Variants in ANGPTL1 observed in about 807,000 individuals in gnomAD.
The protein encoded by ANGPTL1 is angiopoietin-related protein 1.
Under a neutral mutation model 46.7 loss-of-function variants are expected in ANGPTL1, and 36 were observed. The observed-to-expected ratio is 0.77, with a 90% CI of 0.59 to 1.02. ANGPTL1 has a LOEUF of 1.02. Among genes scored for constraint, ANGPTL1 ranks in the 50% least tolerant of loss-of-function variants. The pLI is 0.00. For missense variants in ANGPTL1, 571 were observed against 594.7 expected (o/e 0.96, Z 0.41); for synonymous variants, 221 against 204.3 (o/e 1.08, Z -0.69).
chr1:178,859,727 C>G (rs1475768889), intron 3 of ANGPTL1, among the ~76,000 whole-genome samples: 1 of 113,576 alleles, frequency 8.8e-6, no homozygotes, highest in Non-Finnish European at 1.7e-5. Context: ...GAGACGGAGT[C>G]TCGCTCTGTC....
chr1:178,865,066 G>A lies in ANGPTL1; in HGVS notation c.711C>T (p.Asn237=), dbSNP rs77089478. 7.4e-4 allele frequency: 1,119 copies of A among 1,516,584 alleles called. 13 individuals are homozygous for A. The African/African-American group carries it at 0.013, about 18-fold the overall frequency. 93.9% of individuals were successfully genotyped at this position (1,516,584 alleles called of 1,614,324 possible). ...GATAACCTGGATCCCTCTGAATCTC[G>A]TTACCTCCCAGCAGACCAGGAGTAT... ...QQYTPGLLGG[N]EIQRDPGYPR... is the part of the protein sequence containing the mutation. Residue 237 remains asparagine, a synonymous_variant, in exon 3 of 6, where the codon AAC becomes AAT. Coordinates refer to ENST00000234816, the MANE Select transcript of ANGPTL1 (RefSeq NM_004673.4).
chr1:178,864,303 A>C (rs75729230), intron 3 of ANGPTL1, among the ~76,000 whole-genome samples: 1,674 of 152,222 alleles, frequency 0.011, 27 homozygotes, highest in African/African-American at 0.038. Flanking sequence ...ATGAACATTT[A>C]TATTTCTTAG....
rs561924301 is a variant in ANGPTL1, at chr1:178,859,829, C to G, written c.823+5125G>C. 2.8e-3 allele frequency among the ~76,000 whole-genome samples: 241 copies of G among 86,268 alleles called. 9 individuals are homozygous for G. The highest frequency in any genetic ancestry group is 9.5e-3 in the African/African-American group (230 of 24,250). The allele number at this position is 86,268 out of a possible 152,430, so 56.6% of individuals were successfully genotyped here. On this transcript the variant is annotated intron_variant, in intron 3 of 5. Transcript: ENST00000234816. ...TCTCCTGCCTCTGCCCGCCCCCCCC[C>G]CCCCAACCGCCCAAGTAGCTGGGAC...
chr1:178,859,466 C>T (rs1196293347), intron 3 of ANGPTL1, among the ~76,000 whole-genome samples: 3 of 142,816 alleles, frequency 2.1e-5, no homozygotes, highest in Admixed American at 7.1e-5. Context: ...TGCAGTGTCA[C>T]GATCTCGGCT....
intron 3 of ANGPTL1, among the ~76,000 whole-genome samples, chr1:178,856,202 G>GATAGATATATATAT (rs1553271351): frequency 4.8e-5 from 4 of 83,912 alleles, no homozygotes; most frequent in African/African-American, 2.6e-4. Flanking sequence ...GAGAGAGAGA[G>GATAGATATATATAT]ATATATATAT....
chr1:178,868,951 G>A (rs1658581327), intron 2 of ANGPTL1, among the ~76,000 whole-genome samples, 163 bp downstream of exon 2: 1 of 151,884 alleles, frequency 6.6e-6, no homozygotes, highest in Non-Finnish European at 1.5e-5. Context: ...TACATTTACT[G>A]TTATGTTTTC....
chr1:178,853,263 A>G, intron 4 of ANGPTL1: 2 of 960,058 alleles, frequency 2.1e-6, no homozygotes, highest in South Asian at 9.6e-5. Context: ...TATACTACCC[A>G]GATCCTTAAA....
chr1:178,865,298 T>C lies in ANGPTL1; in HGVS notation c.479A>G (p.Asn160Ser), dbSNP rs770143749. 6.1e-5 allele frequency: 98 copies of C among 1,614,068 alleles called. No individual in the cohort carries two copies. The Middle Eastern group carries it at 2.5e-3, about 41-fold the overall frequency. ...CATCTTCAACATTTCTGTGGTGACA[T>C]TGAGGATTTTGTTTTCCAGTTGGGA... is the stretch of plus-strand genomic sequence containing the variant. The part of the protein sequence containing the change: ...ELSQLENKIL[N>S]VTTEMLKMAT... Residue 160 changes from asparagine to serine, a missense_variant, in exon 3 of 6, where the codon AAT (asparagine) becomes AGT (serine). By Grantham distance (46) the Asn-to-Ser change is conservative. Transcript: ENST00000234816.
In ANGPTL1 at chr1:178,850,504, G is replaced by GT. The variant is rs1422289258; in HGVS notation, c.*624_*625insA. The GT allele has an allele frequency of 5.3e-4, 79 of 150,380 alleles. No individual in the cohort carries two copies. The highest frequency in any genetic ancestry group is 9.2e-4 in the Non-Finnish European group (62 of 67,600). 9.3% of individuals were successfully genotyped at this position (150,380 alleles called of 1,614,324 possible). On this transcript the variant is annotated 3_prime_UTR_variant, in exon 6 of 6. Transcript: ENST00000234816. ...TTAAATTATGCATGCATTATTTTTG[G>GT]GTTTTTTTTTATTTTTAAAAATGAT...
Position 178,852,917 on chromosome 1 carries a change from C to G in ANGPTL1, c.1054G>C (p.Gly352Arg). ...FGNIDGEYWLGLENIYMLSNQ... is the reference protein window; with the variant it reads ...FGNIDGEYWLRLENIYMLSNQ... ...CTAAGCATATAGATATTTTCCAGTC[C>G]AAGCCAGTATTCTCCGTCAATGTTT... Residue 352 changes from glycine (G) to arginine (R), a missense_variant, in exon 5 of 6, where the codon GGA (glycine) becomes CGA (arginine). Gly to Arg is a moderately radical substitution (Grantham distance 125). Transcript: ENST00000234816. The G allele has an allele frequency of 6.2e-7, 1 of 1,613,142 alleles. No individual in the cohort carries two copies. The highest frequency in any genetic ancestry group is 8.5e-7 in the Non-Finnish European group (1 of 1,179,600).
At chr1:178,859,409 T>A (rs1657807025) in intron 3 of ANGPTL1, among the ~76,000 whole-genome samples, 1 of 147,036 alleles carries the variant, frequency 6.8e-6, no homozygotes, top group Non-Finnish European at 1.5e-5. Flanking sequence ...AACTTTTTTT[T>A]TTTTTTTTTT....
chr1:178,866,973 A>G (rs1018510789), intron 2 of ANGPTL1, among the ~76,000 whole-genome samples: 1 of 152,092 alleles, frequency 6.6e-6, no homozygotes, highest in Non-Finnish European at 1.5e-5. Flanking sequence ...TGTCAGATCT[A>G]CTAACGAGCT....
At chr1:178,866,295 C>G (rs1410294652) in intron 2 of ANGPTL1, among the ~76,000 whole-genome samples, 1 of 152,136 alleles carries the variant, frequency 6.6e-6, no homozygotes, top group Admixed American at 6.6e-5. Context: ...CCATGCAATT[C>G]CAATTAAATT....
At chr1:178,852,131 A>G (rs1657212498) in intron 5 of ANGPTL1, among the ~76,000 whole-genome samples, 1 of 152,018 alleles carries the variant, frequency 6.6e-6, no homozygotes, top group Admixed American at 6.6e-5. Flanking sequence ...TGCATCCTTC[A>G]TTTCTTGCGA....
chr1:178,853,002 T>C (rs1390111260), intron 4 of ANGPTL1, 49 bp from the exon 5 acceptor site: 3 of 1,546,410 alleles, frequency 1.9e-6, no homozygotes, highest in East Asian at 2.3e-5. Context: ...ATAGAGATAG[T>C]AAACATTTTT....
At position 178,865,570 on chromosome 1, in the gene ANGPTL1, C is replaced by T. The variant is rs1048053248; in HGVS notation, c.207G>A (p.Lys69=). ...RITGPICVNT[K]GQDASTIKDM... ...CTTTAATGGTACTTGCATCTTGCCC[C>T]TTGGTGTTGACACAGATTGGCCCTG... is the stretch of plus-strand genomic sequence containing the variant. Residue 69 remains lysine (K), a synonymous_variant, in exon 3 of 6, where the codon AAG becomes AAA. Transcript: ENST00000234816. 9 of 1,614,068 alleles carry T rather than the reference C, an allele frequency of 5.6e-6. No individual in the cohort carries two copies. Among genetic ancestry groups the T allele is most frequent in the Non-Finnish European group, 7.6e-6 (9 of 1,179,990 alleles).
Position 178,850,963 on chromosome 1 carries a change from G to A in ANGPTL1, c.*166C>T. The stretch of plus-strand genomic sequence containing the variant: ...TAATTTTCTGCAGTAATTGACGACA[G>A]ATGAAACTACATTTATAGGTTCCCT... On this transcript the variant is annotated 3_prime_UTR_variant, in exon 6 of 6. Coordinates refer to ENST00000234816, the MANE Select transcript of ANGPTL1 (RefSeq NM_004673.4). 1.8e-6 allele frequency: 1 copy of A among 549,128 alleles called. No individual in the cohort carries two copies. The highest frequency in any genetic ancestry group is 2.9e-6 in the Non-Finnish European group (1 of 347,972). 34.0% of individuals were successfully genotyped at this position (549,128 alleles called of 1,614,324 possible).
At chr1:178,864,290 A>G (rs930620858) in intron 3 of ANGPTL1, among the ~76,000 whole-genome samples, 2 of 152,148 alleles carry the variant, frequency 1.3e-5, no homozygotes, top group African/African-American at 4.8e-5. Context: ...TTTTTTTATA[A>G]TAATGAACAT....
At chr1:178,856,814 T>C (rs900123562) in intron 3 of ANGPTL1, among the ~76,000 whole-genome samples, 1 of 152,342 alleles carries the variant, frequency 6.6e-6, no homozygotes, top group South Asian at 2.1e-4. Context: ...TCATTTCTAC[T>C]GCAGATAAAT....
Sources: allele counts gnomAD v4.1 joint callset (sites outside exome capture counted in the v4.1 genomes callset), GRCh38; gene constraint gnomAD v4.1.1; transcripts MANE v1.5; gene names NCBI Gene and HGNC (gene_info 2026-07-23, HGNC 2026-07-21).